RIT1: variants seen among roughly 807,000 people sequenced by gnomAD.
RIT1 encodes the protein Ras like without CAAX 1.
Under a neutral mutation model 25.6 loss-of-function variants are expected in RIT1, and 6 were observed. The ratio of observed to expected loss-of-function variants is 0.23; its 90% CI spans 0.13 to 0.46. The LOEUF is 0.46. Ranked by LOEUF, RIT1 falls within the 20% of genes least tolerant of loss-of-function variation. The pLI, the probability that RIT1 is intolerant of heterozygous loss-of-function variation, is 0.99. For synonymous variants in RIT1, 81 were observed against 94.1 expected, an observed-to-expected ratio of 0.86 and a Z score of 0.80; for missense variants, 219 against 284.4, an observed-to-expected ratio of 0.77 and a Z score of 1.65.
chr1:155,903,064 G>A (rs903667581), intron 5 of RIT1, among the ~76,000 whole-genome samples: 2 of 151,592 alleles, frequency 1.3e-5, no homozygotes, highest in African/African-American at 2.4e-5. Context: ...TTGGGAGGCC[G>A]AGGCAGGCTG....
rs143384959 is a variant in RIT1, at chr1:155,904,057, T to C, written c.429+254A>G. Among the ~76,000 whole-genome samples, 435 of 152,330 alleles carry C rather than the reference T, an allele frequency of 2.9e-3. 2 individuals are homozygous for C. Among genetic ancestry groups the C allele is most frequent in the Middle Eastern group, 0.017 (5 of 294 alleles). ...GGGACCACATGTGCATGCACCACTATGCCCAGCTATGTTTTTTTGTATTTT... is the reference window on the plus strand; with the variant it reads ...GGGACCACATGTGCATGCACCACTACGCCCAGCTATGTTTTTTTGTATTTT... On this transcript the variant is annotated intron_variant, in intron 5 of 5. Transcript: ENST00000368323.
At chr1:155,907,401 C>A (rs1324171780) in intron 3 of RIT1, among the ~76,000 whole-genome samples, 2 of 152,020 alleles carry the variant, frequency 1.3e-5, no homozygotes, top group East Asian at 1.9e-4. Flanking sequence ...CAGTAACACG[C>A]CCAGCTAATT....
intron 5 of RIT1, among the ~76,000 whole-genome samples, chr1:155,903,467 A>AAG (rs1217140770): frequency 4.6e-5 from 7 of 151,272 alleles, no homozygotes; most frequent in East Asian, 1.9e-4. Context: ...AAAAAAAAAA[A>AAG]AAAAAAAGAA....
chr1:155,905,265 C>T (rs944366187), intron 3 of RIT1, among the ~76,000 whole-genome samples: 4 of 151,504 alleles, frequency 2.6e-5, no homozygotes, highest in African/African-American at 9.7e-5. Context: ...GGTGCAATTT[C>T]GGTTCACTGT....
intron 1 of RIT1, 54 bp downstream of exon 1, chr1:155,911,166 GCCCCCTCCCCATTCTCCTCCGAA>G (rs1352227548): frequency 1.4e-5 from 7 of 505,062 alleles, no homozygotes; most frequent in East Asian, 3.4e-5. Flanking sequence ...CAGAGGTTCC[GCCCCCTCCCCATTCTCCTCCGAA>G]CCCCCTCCCC....
At position 155,900,257 on chromosome 1, in the gene RIT1, TA is replaced by T; in HGVS notation, c.*130del. 1 of 674,946 alleles carries T rather than the reference TA, an allele frequency of 1.5e-6. No individual in the cohort carries two copies. The highest frequency in any genetic ancestry group is 2.6e-6 in the Non-Finnish European group (1 of 384,870). The allele number at this position is 674,946 out of a possible 1,614,324, so 41.8% of individuals were successfully genotyped here. Reference sequence around the variant, plus strand: ...GACAATACTTTAAATACCACATCATTAAAAACTCCTAGTAGGCATGTCCCTC... The same window carrying T: ...GACAATACTTTAAATACCACATCATTAAAACTCCTAGTAGGCATGTCCCTC... On this transcript the variant is annotated 3_prime_UTR_variant, in exon 6 of 6. Transcript: ENST00000368323.
At position 155,910,466 on chromosome 1, in the gene RIT1, A is replaced by T; in HGVS notation, c.147T>A (p.Asp49Glu). Reference sequence around the variant, plus strand: ...CTGGCTTACCAATGGTGGGATCATGATCTTCTGGGAATCGGTGGCTGATGA... The same window carrying T: ...CTGGCTTACCAATGGTGGGATCATGTTCTTCTGGGAATCGGTGGCTGATGA... ...MQFISHRFPE[D>E]HDPTIEDAYK... is the part of the protein sequence containing the mutation. Residue 49 changes from aspartate (D) to glutamate (E), a missense_variant, in exon 3 of 6, where the codon GAT (aspartate) becomes GAA (glutamate). Physicochemically the swap from Asp to Glu is conservative, Grantham distance 45. This residue lies in a region of RIT1 where 131 missense variants were observed against 173.6 expected (regional missense o/e 0.75). Transcript: ENST00000368323. The T allele has an allele frequency of 6.2e-7, 1 of 1,614,068 alleles. No homozygotes were observed. Among genetic ancestry groups the T allele is most frequent in the Non-Finnish European group, 8.5e-7 (1 of 1,179,898 alleles).
Position 155,899,930 on chromosome 1 carries a change from C to A in RIT1, c.*458G>T, listed in dbSNP as rs949251576. ...AATTTGGCACTGATCTCATTAGCCC[C>A]AATTTCCCTACATGATTTTTGTTCT... On this transcript the variant is annotated 3_prime_UTR_variant, in exon 6 of 6. Transcript: ENST00000368323. The A allele has an allele frequency of 1.1e-4, 24 of 224,812 alleles. No individual in the cohort carries two copies. In the East Asian group the frequency reaches 1.4e-3, roughly 13 times the overall value. 13.9% of individuals were successfully genotyped at this position (224,812 alleles called of 1,614,324 possible).
rs762892205 is a variant in RIT1, at chr1:155,900,397, T to C, written c.651A>G (p.Ser217=). Residue 217 remains serine (S), a synonymous_variant, in exon 6 of 6, where the codon TCA becomes TCG. Transcript: ENST00000368323. ...ACTTCACATCTTCTCTTCAAGTTAC[T>C]GAATCTTTCTTCTTCCGGAATGGTG... The part of the protein sequence containing the change: ...LKSPFRKKKD[S]VT The C allele has an allele frequency of 3.7e-6, 6 of 1,613,034 alleles. No homozygotes were observed. Among genetic ancestry groups the C allele is most frequent in the South Asian group, 2.2e-5 (2 of 91,062 alleles).
chr1:155,904,100 C>T (rs924503948), intron 5 of RIT1, among the ~76,000 whole-genome samples: 40 of 152,132 alleles, frequency 2.6e-4, no homozygotes, highest in African/African-American at 9.7e-4. Flanking sequence ...GATGGGGTTT[C>T]GCCATGTTGC....
intron 3 of RIT1, among the ~76,000 whole-genome samples, chr1:155,905,404 T>C (rs1673417784): frequency 6.6e-6 from 1 of 152,024 alleles, no homozygotes; most frequent in African/African-American, 2.4e-5. Context: ...TTTGCAATGT[T>C]GTCCAGGCTA....
In RIT1 at chr1:155,898,363, T is replaced by C. The variant is rs1673227866; in HGVS notation, c.*2025A>G. 6.6e-6 allele frequency: 1 copy of C among 151,534 alleles called. No homozygotes were observed. The highest frequency in any genetic ancestry group is 2.4e-5 in the African/African-American group (1 of 41,250). 9.4% of individuals were successfully genotyped at this position (151,534 alleles called of 1,614,324 possible). A position where few individuals can be genotyped will look rare whatever the true frequency, so the allele number is the denominator to read the frequency against. Reference sequence around the variant, plus strand: ...CTACTGCCTGACTACCTTAAATAACTATATAGTGTCAATTTCTTGCTTGGG... The same window carrying C: ...CTACTGCCTGACTACCTTAAATAACCATATAGTGTCAATTTCTTGCTTGGG... On this transcript the variant is annotated 3_prime_UTR_variant, in exon 6 of 6. Transcript: ENST00000368323.
intron 5 of RIT1, among the ~76,000 whole-genome samples, chr1:155,903,969 C>T (rs1195437691): frequency 1.3e-5 from 2 of 152,192 alleles, no homozygotes; most frequent in African/African-American, 4.8e-5. Flanking sequence ...GTAGCCCCAA[C>T]CTCACTGCAA....
In RIT1 at chr1:155,900,332, C is replaced by G. The variant is rs185942596; in HGVS notation, c.*56G>C. ...GCACCATACTCAGTACTGCAGGTTA[C>G]TGGACTGCTTTGATACAGCACTGCA... On this transcript the variant is annotated 3_prime_UTR_variant, in exon 6 of 6. Coordinates refer to ENST00000368323, the MANE Select transcript of RIT1 (RefSeq NM_006912.6). 369 of 1,285,022 alleles carry G rather than the reference C, an allele frequency of 2.9e-4. No homozygotes were observed. Among genetic ancestry groups the G allele is most frequent in the Non-Finnish European group, 4.1e-4 (360 of 888,414 alleles). The allele number at this position is 1,285,022 out of a possible 1,614,324, so 79.6% of individuals were successfully genotyped here.
chr1:155,902,700 A>G (rs1427466299), intron 5 of RIT1, among the ~76,000 whole-genome samples: 3 of 112,990 alleles, frequency 2.7e-5, no homozygotes, highest in Middle Eastern at 6.3e-3. Context: ...AATTAGCTGG[A>G]TGTGGTGGCA....
intron 5 of RIT1, among the ~76,000 whole-genome samples, chr1:155,901,840 G>A (rs904981465): frequency 3.3e-5 from 5 of 151,804 alleles, no homozygotes; most frequent in East Asian, 1.9e-4. Flanking sequence ...AGTTGGGTGC[G>A]GTGGCTCATG....
intron 3 of RIT1, among the ~76,000 whole-genome samples, chr1:155,909,100 G>A (rs1048895082): frequency 2.6e-5 from 4 of 151,914 alleles, no homozygotes; most frequent in Admixed American, 2.6e-4. Context: ...AATAAGGCCC[G>A]GCGCAGTGGT....
chr1:155,911,109 G>A, intron 1 of RIT1, 134 bp downstream of exon 1: 1 of 611,122 alleles, frequency 1.6e-6, no homozygotes, highest in South Asian at 2.1e-5. Context: ...GGGAAGAAAG[G>A]GATGCGGCCC....
chr1:155,902,607 C>T (rs1427406263), intron 5 of RIT1, among the ~76,000 whole-genome samples: 1 of 151,678 alleles, frequency 6.6e-6, no homozygotes, highest in Non-Finnish European at 1.5e-5. Flanking sequence ...TTTGGGAGGC[C>T]AAGGTAGGTG....
Sources: gnomAD v4.1 joint callset for allele counts (sites outside exome capture counted in the v4.1 genomes callset) on GRCh38, gnomAD v4.1.1 for gene constraint, gnomAD v4.1.1 regional missense constraint, MANE v1.5 for transcripts, NCBI Gene and HGNC (gene_info 2026-07-23, HGNC 2026-07-21) for gene names.